The following KCNB2 variants were observed in gnomAD, a reference collection of about 807,000 sequenced individuals.
KCNB2 encodes potassium voltage-gated channel subfamily B member 2.
KCNB2 carries 15 observed loss-of-function variants against 61.5 expected under a neutral mutation model. The observed-to-expected ratio is 0.24, with a 90% confidence interval of 0.16 to 0.38. The LOEUF is 0.38. Among genes scored for constraint, KCNB2 ranks in the 10% least tolerant of loss-of-function variants. KCNB2 has a pLI of 1.00. For missense variants in KCNB2, 828 were observed against 1,125.2 expected (o/e 0.74, Z 3.78); for synonymous variants, 457 against 446.0 (o/e 1.02, Z -0.31).
intron 2 of KCNB2, among the ~76,000 whole-genome samples, chr8:72,745,353 C>A (rs947879670): frequency 9.2e-5 from 14 of 152,222 alleles, no homozygotes; most frequent in African/African-American, 3.4e-4. Flanking sequence ...AGACTGTCCT[C>A]ATTTCAGACA....
At chr8:72,594,900 A>G (rs1026559460) in intron 2 of KCNB2, among the ~76,000 whole-genome samples, 1 of 152,216 alleles carries the variant, frequency 6.6e-6, no homozygotes, top group African/African-American at 2.4e-5. Flanking sequence ...TCCTTAGTGT[A>G]TACACATTAG....
chr8:72,748,586 G>A (rs1290223610), intron 2 of KCNB2, among the ~76,000 whole-genome samples: 4 of 147,420 alleles, frequency 2.7e-5, no homozygotes, highest in Non-Finnish European at 4.5e-5. Context: ...ACAGAGTACT[G>A]AACTCACTTT....
intron 2 of KCNB2, among the ~76,000 whole-genome samples, chr8:72,672,562 T>C (rs900580406): frequency 6.6e-6 from 1 of 152,194 alleles, no homozygotes; most frequent in Non-Finnish European, 1.5e-5. Context: ...TTGGTCCTAT[T>C]ATCATTCACT....
chr8:72,852,252 C>T (rs912649353), intron 2 of KCNB2, among the ~76,000 whole-genome samples: 1 of 151,894 alleles, frequency 6.6e-6, no homozygotes, highest in Middle Eastern at 3.2e-3. Context: ...AGAGAGAGAC[C>T]CTGCCTGGAA....
intron 2 of KCNB2, among the ~76,000 whole-genome samples, chr8:72,620,880 T>C (rs1805704793): frequency 6.6e-6 from 1 of 152,174 alleles, no homozygotes; most frequent in Non-Finnish European, 1.5e-5. Flanking sequence ...AGTGTGGGGA[T>C]TACAGGCATG....
intron 2 of KCNB2, among the ~76,000 whole-genome samples, chr8:72,743,356 C>G (rs1807998503): frequency 6.6e-6 from 1 of 152,152 alleles, no homozygotes; most frequent in African/African-American, 2.4e-5. Flanking sequence ...CACATGACTA[C>G]TTGTGTGTGT....
At chr8:72,904,323 C>T (rs1292662845) in intron 2 of KCNB2, among the ~76,000 whole-genome samples, 2 of 152,096 alleles carry the variant, frequency 1.3e-5, no homozygotes, top group Admixed American at 1.3e-4. Context: ...TTTTCCTCTG[C>T]ACTTTGAAAC....
At chr8:72,593,525 A>G (rs1240527066) in intron 2 of KCNB2, among the ~76,000 whole-genome samples, 2 of 152,202 alleles carry the variant, frequency 1.3e-5, no homozygotes, top group East Asian at 1.9e-4. Flanking sequence ...TAGTGTATCT[A>G]GTTTTCTCTC....
At chr8:72,931,662 A>G (rs1021660608) in intron 2 of KCNB2, among the ~76,000 whole-genome samples, 3 of 152,254 alleles carry the variant, frequency 2.0e-5, no homozygotes, top group Non-Finnish European at 4.4e-5. Flanking sequence ...GCTAGAGCTG[A>G]AATAGTTCAC....
intron 2 of KCNB2, among the ~76,000 whole-genome samples, chr8:72,925,724 C>T (rs754175610): frequency 4.1e-4 from 63 of 152,268 alleles, no homozygotes; most frequent in Non-Finnish European, 6.8e-4. Flanking sequence ...CTATTTGATC[C>T]AGTAATCCCA....
chr8:72,593,823 A>G (rs956454526), intron 2 of KCNB2, among the ~76,000 whole-genome samples: 5 of 152,208 alleles, frequency 3.3e-5, no homozygotes, highest in Admixed American at 3.3e-4. Context: ...GTTATGGTTA[A>G]TGACTTAAAT....
chr8:72,812,527 T>C (rs1383366421), intron 2 of KCNB2, among the ~76,000 whole-genome samples: 1 of 152,094 alleles, frequency 6.6e-6, no homozygotes, highest in Non-Finnish European at 1.5e-5. Context: ...TAGATAAAAA[T>C]ATAGATATAT....
At chr8:72,682,612 A>C (rs796824089) in intron 2 of KCNB2, among the ~76,000 whole-genome samples, 12 of 150,512 alleles carry the variant, frequency 8.0e-5, no homozygotes, top group Admixed American at 4.0e-4. Flanking sequence ...AAAAAAAAAA[A>C]GGAGAGGATT....
intron 2 of KCNB2, among the ~76,000 whole-genome samples, chr8:72,590,537 A>G (rs781118515): frequency 3.3e-5 from 5 of 152,192 alleles, no homozygotes; most frequent in Non-Finnish European, 7.4e-5. Flanking sequence ...TCATAAATGT[A>G]TTTCTATCAG....
chr8:72,849,070 T>C (rs1381623185), intron 2 of KCNB2, among the ~76,000 whole-genome samples: 2 of 150,390 alleles, frequency 1.3e-5, no homozygotes, highest in African/African-American at 4.9e-5. Flanking sequence ...TATAAGTATA[T>C]AGTATTTCTT....
chr8:72,630,949 A>G, intron 2 of KCNB2, among the ~76,000 whole-genome samples: 1 of 152,190 alleles, frequency 6.6e-6, no homozygotes, highest in East Asian at 1.9e-4. Flanking sequence ...ATACGTTCCA[A>G]GCCCCCCATG....
At chr8:72,727,111 A>C (rs1329698963) in intron 2 of KCNB2, among the ~76,000 whole-genome samples, 1 of 152,220 alleles carries the variant, frequency 6.6e-6, no homozygotes, top group Admixed American at 6.6e-5. Context: ...ATCTTTAACA[A>C]GTAGAAGCAG....
rs1459106730 is a variant in KCNB2, at chr8:72,937,660, C to T, written c.2305C>T (p.Leu769=). 1.2e-6 allele frequency: 2 copies of T among 1,613,940 alleles called. No individual in the cohort carries two copies. Among genetic ancestry groups the T allele is most frequent in the Non-Finnish European group, 1.7e-6 (2 of 1,179,980 alleles). ...ETPSQGDRPL[L]GTEVSAPCQG... The stretch of plus-strand genomic sequence containing the variant: ...CCCCTCCCAGGGAGACAGACCCTTG[C>T]TGGGCACTGAGGTTTCAGCGCCTTG... Residue 769 remains leucine (L), a synonymous_variant, in exon 3 of 3, where the codon CTG becomes TTG. Transcript: ENST00000523207.
chr8:72,732,707 AC>A (rs536880164), intron 2 of KCNB2, among the ~76,000 whole-genome samples: 4 of 152,154 alleles, frequency 2.6e-5, no homozygotes, highest in Non-Finnish European at 5.9e-5. Flanking sequence ...CCATCTATTA[AC>A]TGTTTTTCAA....
Sources: gnomAD v4.1 joint callset for allele counts (sites outside exome capture counted in the v4.1 genomes callset) on GRCh38, gnomAD v4.1.1 for gene constraint, MANE v1.5 for transcripts, NCBI Gene and HGNC (gene_info 2026-07-23, HGNC 2026-07-21) for gene names.